NELL1: variants seen among roughly 807,000 people sequenced by gnomAD.
The protein encoded by NELL1 is neural EGFL like 1, also known as protein kinase C-binding protein NELL1.
A neutral mutation model predicts 107.4 loss-of-function variants in NELL1; 76 were observed. The ratio of observed to expected loss-of-function variants is 0.71; its 90% CI spans 0.59 to 0.86. The LOEUF (loss-of-function observed/expected upper bound fraction) is 0.86, where lower values mean the gene tolerates loss of function less well. NELL1 is among the 40% of genes least tolerant of loss of function. The pLI is 0.00. For missense variants in NELL1, 1,024 were observed against 1,005.5 expected, an observed-to-expected ratio of 1.02 and a Z score of -0.25; for synonymous variants, 353 against 341.2, an observed-to-expected ratio of 1.03 and a Z score of -0.38.
chr11:21,492,486 G>A (rs1281752408), intron 15 of NELL1, among the ~76,000 whole-genome samples: 1 of 151,658 alleles, frequency 6.6e-6, no homozygotes, highest in Non-Finnish European at 1.5e-5. Context: ...GCAAAGACTT[G>A]GAACCAACCC....
At chr11:20,928,531 A>G (rs182346965) in intron 9 of NELL1, 52 bp downstream of exon 9, 1 of 1,431,390 alleles carries the variant, frequency 7.0e-7, no homozygotes, top group African/African-American at 1.4e-5. Context: ...AGATTTATTT[A>G]TTTATTTTCC....
chr11:20,848,604 A>T (rs1848743212), intron 4 of NELL1, among the ~76,000 whole-genome samples: 1 of 152,124 alleles, frequency 6.6e-6, no homozygotes, highest in Admixed American at 6.5e-5. Flanking sequence ...CTCATTAATG[A>T]TGCCATCAAA....
chr11:20,958,224 C>A (rs1340789571), intron 11 of NELL1, among the ~76,000 whole-genome samples: 2 of 151,992 alleles, frequency 1.3e-5, no homozygotes, highest in African/African-American at 4.8e-5. Flanking sequence ...TTGAGACAAG[C>A]CTGGGCAACA....
At chr11:20,873,711 C>G (rs985632319) in intron 4 of NELL1, among the ~76,000 whole-genome samples, 4 of 151,202 alleles carry the variant, frequency 2.6e-5, no homozygotes, top group Non-Finnish European at 5.9e-5. Flanking sequence ...TGGCTCTAGT[C>G]TGATGATCTT....
intron 4 of NELL1, among the ~76,000 whole-genome samples, chr11:20,883,452 C>CATAAA (rs1849447253): frequency 6.6e-6 from 1 of 152,178 alleles, no homozygotes; most frequent in Non-Finnish European, 1.5e-5. Flanking sequence ...CTATTGAATA[C>CATAAA]ATAAAATAAA....
intron 15 of NELL1, among the ~76,000 whole-genome samples, chr11:21,404,477 T>C (rs1852187140): frequency 6.6e-6 from 1 of 151,928 alleles, no homozygotes; most frequent in Admixed American, 6.6e-5. Context: ...GCTTCATAGA[T>C]TTCTAGATTT....
intron 5 of NELL1, among the ~76,000 whole-genome samples, chr11:20,897,243 C>T (rs1386150069): frequency 6.6e-6 from 1 of 152,056 alleles, no homozygotes; most frequent in Non-Finnish European, 1.5e-5. Context: ...GAACAGAGCC[C>T]TCAGAAATAA....
chr11:20,835,165 C>A (rs1474115237), intron 3 of NELL1, among the ~76,000 whole-genome samples: 1 of 152,184 alleles, frequency 6.6e-6, no homozygotes, highest in African/African-American at 2.4e-5. Flanking sequence ...CTACATCTAG[C>A]TTCTTTTTGA....
chr11:21,305,883 A>G (rs1043991705), intron 14 of NELL1, among the ~76,000 whole-genome samples: 4 of 152,044 alleles, frequency 2.6e-5, no homozygotes, highest in Non-Finnish European at 5.9e-5. Context: ...AATTACCACT[A>G]CAATCAATAT....
intron 3 of NELL1, among the ~76,000 whole-genome samples, chr11:20,816,836 G>A (rs1384282249): frequency 6.6e-5 from 10 of 152,032 alleles, no homozygotes; most frequent in African/African-American, 1.9e-4. Flanking sequence ...GCTTGTTAAA[G>A]GTTTTCATTA....
intron 12 of NELL1, among the ~76,000 whole-genome samples, chr11:21,007,393 A>G (rs984526562): frequency 1.8e-5 from 2 of 108,126 alleles, no homozygotes; most frequent in African/African-American, 3.8e-5. Context: ...ACACAGACAC[A>G]CACACACACA....
chr11:21,018,783 A>G (rs189415245), intron 12 of NELL1, among the ~76,000 whole-genome samples: 1 of 152,200 alleles, frequency 6.6e-6, no homozygotes, highest in African/African-American at 2.4e-5. Flanking sequence ...GAGTGGGTTT[A>G]CTGCAGGAAT....
chr11:20,814,204 C>T (rs1376691205), intron 3 of NELL1, among the ~76,000 whole-genome samples: 2 of 152,114 alleles, frequency 1.3e-5, no homozygotes, highest in South Asian at 2.1e-4. Context: ...CCGTGTTAGC[C>T]AGGATGGTCT....
chr11:21,517,676 A>G (rs1296613177), intron 15 of NELL1, among the ~76,000 whole-genome samples: 2 of 152,170 alleles, frequency 1.3e-5, no homozygotes, highest in African/African-American at 4.8e-5. Context: ...AACCCACACC[A>G]TAGAAAAGAG....
intron 3 of NELL1, among the ~76,000 whole-genome samples, chr11:20,797,488 C>T (rs1857193971): frequency 6.9e-6 from 1 of 144,242 alleles, no homozygotes. Context: ...ATGGCGTGAA[C>T]CTGGGAGGTG....
At chr11:20,905,416 AAAAT>A (rs1416721653) in intron 5 of NELL1, among the ~76,000 whole-genome samples, 1 of 152,192 alleles carries the variant, frequency 6.6e-6, no homozygotes, top group Non-Finnish European at 1.5e-5. Context: ...TCAAAGGAAC[AAAAT>A]AAATGAATAG....
intron 5 of NELL1, among the ~76,000 whole-genome samples, chr11:20,902,812 C>T (rs1466152531): frequency 6.6e-6 from 1 of 151,734 alleles, no homozygotes; most frequent in Non-Finnish European, 1.5e-5. Context: ...TGATGAATTG[C>T]TAAAGTAATT....
intron 13 of NELL1, among the ~76,000 whole-genome samples, chr11:21,189,132 C>T (rs1395511871): frequency 1.3e-5 from 2 of 151,848 alleles, no homozygotes; most frequent in Admixed American, 1.3e-4. Context: ...TTTATCCCTG[C>T]TCACATATGT....
chr11:21,238,839 C>T (rs545977289), intron 14 of NELL1, among the ~76,000 whole-genome samples: 1 of 152,102 alleles, frequency 6.6e-6, no homozygotes, highest in African/African-American at 2.4e-5. Flanking sequence ...TTTGATATTT[C>T]TGTTTACTAG....
Sources: gnomAD v4.1 joint callset for allele counts (sites outside exome capture counted in the v4.1 genomes callset) on GRCh38, gnomAD v4.1.1 for gene constraint, MANE v1.5 for transcripts, NCBI Gene and HGNC (gene_info 2026-07-23, HGNC 2026-07-21) for gene names.